Variants in ZNF547 observed in about 807,000 individuals in gnomAD.
ZNF547 encodes the protein zinc finger protein 547.
ZNF547 carries 4 observed loss-of-function variants against 7.7 expected under a neutral mutation model. The observed-to-expected ratio is 0.52, with a 90% CI of 0.26 to 1.20. The LOEUF (loss-of-function observed/expected upper bound fraction) is 1.20. Ranked by LOEUF, ZNF547 falls within the 50% of genes most tolerant of loss-of-function variation. ZNF547 has a pLI of 0.14. For missense variants in ZNF547, 449 were observed against 485.8 expected, an observed-to-expected ratio of 0.92 and a Z score of 0.71; for synonymous variants, 166 against 166.2, an observed-to-expected ratio of 1.00 and a Z score of 0.01.
At chr19:57,365,026 GA>G (rs1736326799) in intron 1 of ZNF547, 1 of 1,612,218 alleles carries the variant, frequency 6.2e-7, no homozygotes, top group Non-Finnish European at 8.5e-7. Flanking sequence ...GAAAACTGTG[GA>G]CAAGTTCAAC....
chr19:57,364,569 CG>C (rs1420267571), intron 1 of ZNF547: 5 of 516,560 alleles, frequency 9.7e-6, no homozygotes, highest in Non-Finnish European at 1.7e-5. Context: ...GGTGAAACCC[CG>C]TCTTTAGTAA....
intron 2 of ZNF547, 133 bp from the exon 3 acceptor site, chr19:57,371,649 G>T (rs1484506193): frequency 1.5e-6 from 2 of 1,359,362 alleles, no homozygotes; most frequent in Admixed American, 2.3e-5. Context: ...TGGTAGGGGA[G>T]ATGGAAACAC....
At chr19:57,365,127 C>T (rs1168689303) in intron 1 of ZNF547, 2 of 1,607,482 alleles carry the variant, frequency 1.2e-6, no homozygotes, top group African/African-American at 1.3e-5. Flanking sequence ...TAAAGAACTT[C>T]TTTACTGATG....
At chr19:57,373,962 G>A (rs2088521439) in intron 3 of ZNF547, among the ~76,000 whole-genome samples, 1 of 152,142 alleles carries the variant, frequency 6.6e-6, no homozygotes, top group South Asian at 2.1e-4. Context: ...TGGAGGACGT[G>A]GCCTTCTTCT....
intron 3 of ZNF547, among the ~76,000 whole-genome samples, chr19:57,374,445 G>A (rs2088524123): frequency 6.6e-6 from 1 of 152,236 alleles, no homozygotes; most frequent in Non-Finnish European, 1.5e-5. Flanking sequence ...TGTGATGGGA[G>A]GGGCTGCCGG....
At chr19:57,371,737 C>G in intron 2 of ZNF547, 45 bp from the exon 3 acceptor site, 1 of 1,579,440 alleles carries the variant, frequency 6.3e-7, no homozygotes, top group Non-Finnish European at 8.6e-7. Flanking sequence ...TAAGTAAATA[C>G]AGTTTGAAAA....
chr19:57,364,625 C>T (rs1444550251), intron 1 of ZNF547: 1 of 600,428 alleles, frequency 1.7e-6, no homozygotes, highest in Non-Finnish European at 2.9e-6. Context: ...CCTGTAATCC[C>T]AGCTATTCGG....
At chr19:57,364,596 C>A (rs577104372) in intron 1 of ZNF547, 239 of 570,910 alleles carry the variant, frequency 4.2e-4, no homozygotes, top group Middle Eastern at 9.3e-4. Context: ...CAAAAATTAG[C>A]CGGGGGTGGT....
intron 1 of ZNF547, chr19:57,365,307 G>C (rs2088459368): frequency 2.5e-6 from 3 of 1,212,756 alleles, no homozygotes; most frequent in East Asian, 5.1e-5. Flanking sequence ...GTATACTCAG[G>C]AATGTGTACA....
intron 3 of ZNF547, among the ~76,000 whole-genome samples, chr19:57,374,719 G>A (rs762818337): frequency 1.3e-5 from 2 of 152,272 alleles, no homozygotes; most frequent in Non-Finnish European, 2.9e-5. Flanking sequence ...GATATGTAGG[G>A]CAGGGGCAAG....
chr19:57,371,618 G>A (rs755005691), intron 2 of ZNF547, 164 bp from the exon 3 acceptor site: 6 of 1,105,314 alleles, frequency 5.4e-6, no homozygotes, highest in South Asian at 1.7e-5. Flanking sequence ...GATGGAGATG[G>A]TTAAGAATAT....
chr19:57,364,779 T>G (rs2088451356), intron 1 of ZNF547: 23 of 1,437,786 alleles, frequency 1.6e-5, no homozygotes, highest in Non-Finnish European at 2.2e-5. Flanking sequence ...CCGCGGAAAC[T>G]GACATTGCGT....
intron 3 of ZNF547, among the ~76,000 whole-genome samples, chr19:57,372,398 C>G (rs910572685): frequency 1.3e-5 from 2 of 152,156 alleles, no homozygotes; most frequent in Admixed American, 1.3e-4. Flanking sequence ...GCTGTCTTGT[C>G]TCTTTCTGTG....
In ZNF547 at chr19:57,365,243, A is replaced by G; in HGVS notation, c.-13+1540A>G. On this transcript the variant is annotated intron_variant, in intron 1 of 3. Coordinates refer to ENST00000282282, the MANE Select transcript of ZNF547 (RefSeq NM_173631.4). ...AAAGTTCAGTTTCTTGGGAAGAAACACCTTTTAAGCTGAATGGAGAAAATT... is the reference window on the plus strand; with the variant it reads ...AAAGTTCAGTTTCTTGGGAAGAAACGCCTTTTAAGCTGAATGGAGAAAATT... The G allele has an allele frequency of 1.9e-6, 3 of 1,566,820 alleles. No homozygotes were observed. In the African/African-American group the frequency reaches 4.1e-5, roughly 21 times the overall value.
chr19:57,377,572 T>A lies in ZNF547; in HGVS notation c.596T>A (p.Leu199His). 1.2e-6 allele frequency: 2 copies of A among 1,614,212 alleles called. No homozygotes were observed. Among genetic ancestry groups the A allele is most frequent in the South Asian group, 1.1e-5 (1 of 91,086 alleles). ...ATATTGTTTATGGAAAGGTCCACAC[T>A]CAATAGACATCAGAGAACTCACACT... ...CGILFMERST[L>H]NRHQRTHTGE... The change falls in exon 4 of 4, where the codon CTC (leucine) becomes CAC (histidine). Residue 199 changes from leucine (L) to histidine (H), a missense_variant. Physicochemically the swap from Leu to His is moderately conservative, Grantham distance 99. Coordinates refer to ENST00000282282, the MANE Select transcript of ZNF547 (RefSeq NM_173631.4).
intron 1 of ZNF547, among the ~76,000 whole-genome samples, chr19:57,367,751 T>G (rs901168679): frequency 3.2e-4 from 49 of 152,240 alleles, no homozygotes; most frequent in African/African-American, 1.1e-3. Context: ...AGGGCCACTC[T>G]TTGTGGGAAA....
intron 3 of ZNF547, 24 bp downstream of exon 3, chr19:57,371,932 T>C (rs1418898103): frequency 6.4e-7 from 1 of 1,567,920 alleles, no homozygotes; most frequent in South Asian, 1.2e-5. Context: ...ACTTGCCCAG[T>C]GTCCTGGGTT....
At chr19:57,371,659 C>G (rs753539995) in intron 2 of ZNF547, 123 bp from the exon 3 acceptor site, 22 of 1,422,990 alleles carry the variant, frequency 1.5e-5, no homozygotes, top group Non-Finnish European at 2.1e-5. Context: ...GATGGAAACA[C>G]ATTTAGCTGT....
At position 57,378,330 on chromosome 19, in the gene ZNF547, A is replaced by T; in HGVS notation, c.*145A>T. 2 of 790,908 alleles carry T rather than the reference A, an allele frequency of 2.5e-6. No individual in the cohort carries two copies. Among genetic ancestry groups the T allele is most frequent in the South Asian group, 3.1e-5 (2 of 64,112 alleles). The allele number at this position is 790,908 out of a possible 1,614,324, so 49.0% of individuals were successfully genotyped here. A position where few individuals can be genotyped will look rare whatever the true frequency, so the allele number is the denominator to read the frequency against. ...TACAGCTCTCCAGTCGCTATGTATC[A>T]GAGAATTCACACTGCAGAAATGTGT... On this transcript the variant is annotated 3_prime_UTR_variant, in exon 4 of 4. Transcript: ENST00000282282.
Sources: allele counts gnomAD v4.1 joint callset (sites outside exome capture counted in the v4.1 genomes callset), GRCh38; gene constraint gnomAD v4.1.1; transcripts MANE v1.5; gene names NCBI Gene and HGNC (gene_info 2026-07-23, HGNC 2026-07-21).